TBC1D5: variants seen among roughly 807,000 people sequenced by gnomAD.
TBC1D5 encodes TBC1 domain family, member 5.
In TBC1D5, 75 loss-of-function variants were observed where a neutral mutation model predicts 100.3. The ratio of observed to expected loss-of-function variants is 0.75; its 90% confidence interval spans 0.62 to 0.91. TBC1D5 has a LOEUF of 0.91. TBC1D5 is among the 40% of genes least tolerant of loss of function. The pLI is 0.00. For missense variants in TBC1D5, 910 were observed against 942.4 expected (o/e 0.97, Z 0.45); for synonymous variants, 323 against 325.6 (o/e 0.99, Z 0.09).
rs527513167 is a variant in TBC1D5 at position 17,607,517 on chromosome 3, C to A, written c.-36+16332G>T. Among the ~76,000 whole-genome samples the A allele has an allele frequency of 4.4e-4, 66 of 149,686 alleles. 1 individual carries two copies. In the South Asian group the frequency reaches 0.014, roughly 31 times the overall value. On this transcript the variant is annotated intron_variant, in intron 2 of 21. Coordinates refer to ENST00000253692, the Ensembl canonical transcript of TBC1D5. ...TGAAACCTGCAGTTCTCAGAGATTG[C>A]GAAGGAAACAAATCAAGGTTGAGCT... is the stretch of plus-strand genomic sequence containing the variant.
At chr3:17,222,805 T>A (rs1380806704) in intron 17 of TBC1D5, among the ~76,000 whole-genome samples, 1 of 152,036 alleles carries the variant, frequency 6.6e-6, no homozygotes, top group Non-Finnish European at 1.5e-5. Context: ...TTATTACTCC[T>A]GTGATATTAT....
At chr3:17,512,232 T>A (rs914048809) in intron 2 of TBC1D5, among the ~76,000 whole-genome samples, 2 of 152,072 alleles carry the variant, frequency 1.3e-5, no homozygotes, top group Non-Finnish European at 2.9e-5. Context: ...CAAAGGTTTT[T>A]AATAAATTTG....
At chr3:17,724,958 C>T (rs2076004259) in intron 1 of TBC1D5, among the ~76,000 whole-genome samples, 1 of 152,156 alleles carries the variant, frequency 6.6e-6, no homozygotes, top group Non-Finnish European at 1.5e-5. Flanking sequence ...ATTATTACTG[C>T]ATTTTTCACT....
intron 2 of TBC1D5, among the ~76,000 whole-genome samples, chr3:17,538,761 G>A (rs1006647577): frequency 2.0e-5 from 3 of 152,166 alleles, no homozygotes; most frequent in Non-Finnish European, 4.4e-5. Flanking sequence ...AAACCCAGTC[G>A]GGCATGGTGG....
intron 1 of TBC1D5, among the ~76,000 whole-genome samples, chr3:17,666,076 T>C (rs1444614997): frequency 6.6e-6 from 1 of 152,228 alleles, no homozygotes; most frequent in Non-Finnish European, 1.5e-5. Context: ...TTTTTAAAAG[T>C]ATTATGTCTT....
In TBC1D5 at chr3:17,543,900, GCT is replaced by G. The variant is rs1429018588; in HGVS notation, c.-35-35297_-35-35296del. On this transcript the variant is annotated intron_variant, in intron 2 of 21. Coordinates refer to ENST00000253692, the Ensembl canonical transcript of TBC1D5. ...TTCTTTTTTTTTGAGACAGAGTCTT[GCT>G]CTGTCTCCAGGCTGGAGTGCAGTGG... 5.3e-5 allele frequency among the ~76,000 whole-genome samples: 8 copies of G among 149,586 alleles called. No homozygotes were observed. The East Asian group carries it at 1.6e-3, about 30-fold the overall frequency.
intron 3 of TBC1D5, among the ~76,000 whole-genome samples, chr3:17,437,831 A>G (rs1447217482): frequency 5.3e-5 from 8 of 152,166 alleles, no homozygotes; most frequent in Admixed American, 4.6e-4. Context: ...TTCTAAAATT[A>G]TTAGCTTCTA....
At chr3:17,259,215 C>A (rs867763548) in intron 15 of TBC1D5, among the ~76,000 whole-genome samples, 6 of 152,276 alleles carry the variant, frequency 3.9e-5, no homozygotes, top group South Asian at 2.1e-4. Flanking sequence ...TTGACCAATG[C>A]ACATTTTCAC....
chr3:17,335,471 G>C (rs977669972), intron 13 of TBC1D5, among the ~76,000 whole-genome samples: 1 of 152,066 alleles, frequency 6.6e-6, no homozygotes, highest in South Asian at 2.1e-4. Flanking sequence ...TAAGGAGAAA[G>C]ACCCATCTCT....
chr3:17,673,944 T>A (rs1159659088), intron 1 of TBC1D5, among the ~76,000 whole-genome samples: 1 of 152,192 alleles, frequency 6.6e-6, no homozygotes, highest in Non-Finnish European at 1.5e-5. Context: ...AAGGGGCTTT[T>A]AAATAAATAG....
chr3:17,662,129 G>A (rs2066724465), intron 1 of TBC1D5, among the ~76,000 whole-genome samples: 1 of 152,138 alleles, frequency 6.6e-6, no homozygotes, highest in South Asian at 2.1e-4. Flanking sequence ...CTGGCCCCAA[G>A]CAATCCTCTC....
In TBC1D5 at chr3:17,398,114, T is replaced by C. The variant is rs572084898; in HGVS notation, c.509+5067A>G. 7.2e-5 allele frequency among the ~76,000 whole-genome samples: 11 copies of C among 152,284 alleles called. No homozygotes were observed. In the South Asian group the frequency reaches 2.3e-3, roughly 32 times the overall value. On this transcript the variant is annotated intron_variant, in intron 8 of 21. Transcript: ENST00000253692. Reference sequence around the variant, plus strand: ...CATTTTAAATAATACTGAATTTCTTTTAATGTTACAGCTTTTGAAACATGG... The same window carrying C: ...CATTTTAAATAATACTGAATTTCTTCTAATGTTACAGCTTTTGAAACATGG...
chr3:17,209,900 A>G (rs2072726041), intron 18 of TBC1D5, among the ~76,000 whole-genome samples: 1 of 152,098 alleles, frequency 6.6e-6, no homozygotes, highest in African/African-American at 2.4e-5. Context: ...GCTTGCTACT[A>G]CTTTCTGGGT....
At chr3:17,660,461 C>T (rs537714161) in intron 1 of TBC1D5, among the ~76,000 whole-genome samples, 2 of 152,126 alleles carry the variant, frequency 1.3e-5, no homozygotes, top group African/African-American at 2.4e-5. Context: ...GAAACTCAGA[C>T]TTAATTAAAC....
intron 4 of TBC1D5, among the ~76,000 whole-genome samples, chr3:17,423,735 A>C (rs1254041829): frequency 6.6e-6 from 1 of 152,224 alleles, no homozygotes; most frequent in Non-Finnish European, 1.5e-5. Context: ...GATTTACTAC[A>C]GTTTATATAG....
chr3:17,484,223 C>G (rs148264974), intron 3 of TBC1D5, among the ~76,000 whole-genome samples: 2 of 152,052 alleles, frequency 1.3e-5, no homozygotes, highest in East Asian at 3.8e-4. Context: ...GTACTATTTT[C>G]GATATGAAAC....
chr3:17,158,458 A>C (rs2065774119), exon 22 of TBC1D5: 1 of 152,242 alleles, frequency 6.6e-6, no homozygotes, highest in Non-Finnish European at 1.5e-5. Flanking sequence ...ATTGCAAATA[A>C]TACTCAACTA....
At chr3:17,727,183 C>T (rs370153493) in intron 1 of TBC1D5, among the ~76,000 whole-genome samples, 4 of 151,984 alleles carry the variant, frequency 2.6e-5, no homozygotes, top group African/African-American at 7.2e-5. Flanking sequence ...GAGTTCGAGA[C>T]CAGCCTGGCC....
intron 2 of TBC1D5, among the ~76,000 whole-genome samples, chr3:17,583,236 G>C (rs149544724): frequency 0.017 from 2,521 of 152,150 alleles, 52 homozygotes; most frequent in South Asian, 0.048. Flanking sequence ...AGTGGGCTGA[G>C]ATCATGCCAC....
Sources: allele counts gnomAD v4.1 joint callset (sites outside exome capture counted in the v4.1 genomes callset), GRCh38; gene constraint gnomAD v4.1.1; transcripts MANE v1.5; gene names NCBI Gene and HGNC (gene_info 2026-07-23, HGNC 2026-07-21).